Variants in CLNK observed in about 807,000 individuals in gnomAD.
CLNK encodes the protein cytokine-dependent hematopoietic cell linker.
In CLNK, 74 loss-of-function variants were observed where a neutral mutation model predicts 68.6. That is an observed-to-expected ratio of 1.08 (90% confidence interval 0.89 to 1.31). The LOEUF (loss-of-function observed/expected upper bound fraction) is 1.31. Among genes scored for constraint, CLNK ranks in the 50% most tolerant of loss-of-function variants. The probability of loss-of-function intolerance (pLI) is 0.00; values close to 1 mark genes in which losing one functional copy is unlikely to be tolerated. For missense variants in CLNK, 553 were observed against 515.3 expected (o/e 1.07, Z -0.71); for synonymous variants, 198 against 172.2 (o/e 1.15, Z -1.17).
intron 2 of CLNK, among the ~76,000 whole-genome samples, chr4:10,606,650 T>C (rs1237317178): frequency 2.0e-5 from 3 of 152,230 alleles, no homozygotes; most frequent in Admixed American, 1.3e-4. Flanking sequence ...TACAATGTTA[T>C]AGCAGCTGCC....
chr4:10,716,811 A>G, the CLNK span, among the ~76,000 whole-genome samples: 1 of 150,592 alleles, frequency 6.6e-6, no homozygotes, highest in Non-Finnish European at 1.5e-5. Context: ...CTCCTGCCCC[A>G]GCCTCCCAAG....
At chr4:10,568,378 G>C (rs1171787725) in intron 5 of CLNK, among the ~76,000 whole-genome samples, 1 of 152,104 alleles carries the variant, frequency 6.6e-6, no homozygotes, top group Non-Finnish European at 1.5e-5. Context: ...CAAGGTCTGG[G>C]GGAAGGGGGG....
intron 2 of CLNK, among the ~76,000 whole-genome samples, chr4:10,608,159 C>A (rs914316877): frequency 6.6e-6 from 1 of 152,216 alleles, no homozygotes; most frequent in South Asian, 2.1e-4. Flanking sequence ...CTCCATTGAT[C>A]TCCTTGACAC....
chr4:10,614,268 G>A (rs1379770638), intron 2 of CLNK, among the ~76,000 whole-genome samples: 1 of 152,202 alleles, frequency 6.6e-6, no homozygotes, highest in Non-Finnish European at 1.5e-5. Context: ...ACGTTGATGA[G>A]TGGCTCAAAT....
chr4:10,587,986 C>G (rs9685496), intron 3 of CLNK, among the ~76,000 whole-genome samples: 147,308 of 152,316 alleles, frequency 0.97, 71,424 homozygotes, highest in East Asian at 1. Context: ...CATTTATCGA[C>G]GGCCTGAGTG....
the CLNK span, among the ~76,000 whole-genome samples, chr4:10,720,419 G>C: frequency 1.3e-5 from 2 of 151,958 alleles, no homozygotes; most frequent in Non-Finnish European, 2.9e-5. Context: ...AAATTAGAAA[G>C]TAGGCTAGAG....
chr4:10,557,403 G>C (rs1205658084), intron 8 of CLNK, among the ~76,000 whole-genome samples: 4 of 152,194 alleles, frequency 2.6e-5, no homozygotes, highest in Non-Finnish European at 4.4e-5. Flanking sequence ...GTTGGAGAGA[G>C]AGATGGGGCA....
chr4:10,563,790 C>CCAGCTATT (rs1719991760), intron 7 of CLNK, among the ~76,000 whole-genome samples: 1 of 152,040 alleles, frequency 6.6e-6, no homozygotes, highest in Admixed American at 6.6e-5. Flanking sequence ...ACCTGTAATC[C>CCAGCTATT]CAGCTATTCA....
the CLNK span, among the ~76,000 whole-genome samples, chr4:10,733,346 G>A: frequency 2.6e-5 from 4 of 152,072 alleles, no homozygotes; most frequent in Admixed American, 6.5e-5. Context: ...TTCACTGCCC[G>A]TTCAGATCTT....
chr4:10,595,039 C>T (rs1241695870), intron 3 of CLNK, among the ~76,000 whole-genome samples: 3 of 151,914 alleles, frequency 2.0e-5, no homozygotes, highest in Non-Finnish European at 4.4e-5. Context: ...GGAGATTGCG[C>T]GATTGCACTC....
chr4:10,645,623 G>A (rs7677925), intron 2 of CLNK, among the ~76,000 whole-genome samples: 151,930 of 152,246 alleles, frequency 1, 75,808 homozygotes, highest in East Asian at 1. Context: ...TACCAGGTAC[G>A]TAGTAGGTAC....
chr4:10,609,669 A>G (rs937268661), intron 2 of CLNK, among the ~76,000 whole-genome samples: 6 of 152,224 alleles, frequency 3.9e-5, no homozygotes, highest in Non-Finnish European at 7.3e-5. Context: ...TGAGGCAGAA[A>G]AGGGCTTCAG....
At chr4:10,520,899 A>C in intron 14 of CLNK, 68 bp from the exon 15 acceptor site, 1 of 1,154,196 alleles carries the variant, frequency 8.7e-7, no homozygotes, top group South Asian at 1.3e-5. Flanking sequence ...TTCCACTCAG[A>C]GGCAAGGTCA....
intron 3 of CLNK, among the ~76,000 whole-genome samples, chr4:10,585,868 A>G (rs1720946505): frequency 6.6e-6 from 1 of 152,238 alleles, no homozygotes; most frequent in African/African-American, 2.4e-5. Flanking sequence ...AAAACAAAGT[A>G]TTGATTATCT....
At chr4:10,514,883 A>G (rs1717761307) in intron 15 of CLNK, among the ~76,000 whole-genome samples, 1 of 152,186 alleles carries the variant, frequency 6.6e-6, no homozygotes, top group Non-Finnish European at 1.5e-5. Flanking sequence ...TCCAGAATCT[A>G]CAATGAACTC....
At chr4:10,722,134 A>C in the CLNK span, among the ~76,000 whole-genome samples, 1 of 152,188 alleles carries the variant, frequency 6.6e-6, no homozygotes, top group Non-Finnish European at 1.5e-5. Context: ...TGATCATGCC[A>C]CTGCATTCCA....
At chr4:10,650,892 GATA>G (rs1267818008) in intron 2 of CLNK, among the ~76,000 whole-genome samples, 1 of 151,930 alleles carries the variant, frequency 6.6e-6, no homozygotes, top group Non-Finnish European at 1.5e-5. Context: ...GTAGGTAAAG[GATA>G]TGAACAGACA....
At chr4:10,494,617 G>C (rs13142053) in intron 18 of CLNK, among the ~76,000 whole-genome samples, 35,618 of 151,820 alleles carry the variant, frequency 0.23, 4,425 homozygotes, top group Admixed American at 0.28. Context: ...GCCATGGCGC[G>C]CAGCTAACTT....
rs72173722 is a variant in CLNK at position 10,489,669 on chromosome 4, C to CTT, written c.*796_*797dup. Reference sequence around the variant, plus strand: ...GAGCTAATATTCACCAACCCAACACCTTTTTTTTTTTTTGAGACGGAGTCT... The same window carrying CTT: ...GAGCTAATATTCACCAACCCAACACCTTTTTTTTTTTTTTTGAGACGGAGTCT... On this transcript the variant is annotated 3_prime_UTR_variant, in exon 19 of 19. Coordinates refer to ENST00000226951, the MANE Select transcript of CLNK (RefSeq NM_052964.4). 8 of 62,328 alleles carry CTT rather than the reference C, an allele frequency of 1.3e-4. 4 individuals are homozygous for CTT. Among genetic ancestry groups the CTT allele is most frequent in the Non-Finnish European group, 1.5e-4 (4 of 26,728 alleles). The allele number at this position is 62,328 out of a possible 1,614,324, so 3.9% of individuals were successfully genotyped here.
Sources: allele counts gnomAD v4.1 joint callset (sites outside exome capture counted in the v4.1 genomes callset), GRCh38; gene constraint gnomAD v4.1.1; transcripts MANE v1.5; gene names NCBI Gene and HGNC (gene_info 2026-07-23, HGNC 2026-07-21).